The following OTUD7A variants were observed in gnomAD, a reference collection of about 807,000 sequenced individuals.
OTUD7A encodes the protein OTU domain-containing protein 7A.
In OTUD7A, 12 loss-of-function variants were observed where a neutral mutation model predicts 65.7. The observed-to-expected ratio is 0.18, with a 90% CI of 0.12 to 0.30. The LOEUF (loss-of-function observed/expected upper bound fraction) is 0.30. OTUD7A is among the 10% of genes least tolerant of loss of function. The pLI, the probability that OTUD7A is intolerant of heterozygous loss-of-function variation, is 1.00. For missense variants in OTUD7A, 1,148 were observed against 1,304.8 expected, an observed-to-expected ratio of 0.88 and a Z score of 1.85; for synonymous variants, 641 against 586.3, an observed-to-expected ratio of 1.09 and a Z score of -1.35.
chr15:31,590,012 C>A (rs531017145), intron 3 of OTUD7A, among the ~76,000 whole-genome samples: 1 of 152,146 alleles, frequency 6.6e-6, no homozygotes, highest in South Asian at 2.1e-4. Context: ...TAATTATACA[C>A]ACACATACAT....
chr15:31,619,599 A>G lies in OTUD7A; in HGVS notation c.151+35497T>C, dbSNP rs572997674. 1.3e-3 allele frequency among the ~76,000 whole-genome samples: 190 copies of G among 151,826 alleles called. 2 individuals are homozygous for G. The highest frequency in any genetic ancestry group is 4.4e-3 in the African/African-American group (180 of 41,294). On this transcript the variant is annotated intron_variant, in intron 3 of 12. Transcript: ENST00000307050. Reference sequence around the variant, plus strand: ...TTATTGGTGCATAAGAATGCTTGTGATTTTTACACATTGATTTTGTATCCT... The same window carrying G: ...TTATTGGTGCATAAGAATGCTTGTGGTTTTTACACATTGATTTTGTATCCT...
chr15:31,867,149 T>C (rs1272916569), intron 1 of OTUD7A, among the ~76,000 whole-genome samples: 1 of 152,272 alleles, frequency 6.6e-6, no homozygotes, highest in South Asian at 2.1e-4. Flanking sequence ...GTTCAGTCCC[T>C]GCGAGGAAAA....
intron 1 of OTUD7A, among the ~76,000 whole-genome samples, chr15:31,845,907 T>C (rs1023244480): frequency 1.3e-5 from 2 of 152,208 alleles, no homozygotes; most frequent in Non-Finnish European, 2.9e-5. Context: ...CGGGACACCA[T>C]GCACAAGAGA....
At chr15:31,632,753 G>T (rs1206784594) in intron 3 of OTUD7A, among the ~76,000 whole-genome samples, 2 of 151,822 alleles carry the variant, frequency 1.3e-5, no homozygotes, top group Non-Finnish European at 2.9e-5. Flanking sequence ...AGGCCTCCTT[G>T]AGCTGTGGTG....
At chr15:31,838,972 G>A (rs569037901) in intron 1 of OTUD7A, among the ~76,000 whole-genome samples, 6 of 152,316 alleles carry the variant, frequency 3.9e-5, no homozygotes, top group Middle Eastern at 3.4e-3. Context: ...TAACAGATCC[G>A]ATGGACTGGA....
At chr15:31,669,170 G>A (rs1892411641) in intron 1 of OTUD7A, among the ~76,000 whole-genome samples, 1 of 152,214 alleles carries the variant, frequency 6.6e-6, no homozygotes, top group Non-Finnish European at 1.5e-5. Flanking sequence ...ATCAGCTGTG[G>A]TAGCATGGAG....
chr15:31,861,026 A>C (rs553301773), intron 1 of OTUD7A, among the ~76,000 whole-genome samples: 4 of 151,838 alleles, frequency 2.6e-5, no homozygotes, highest in African/African-American at 9.7e-5. Context: ...GCCAGAGATA[A>C]ATATTTTTAA....
At chr15:31,591,348 A>G (rs1451019259) in intron 3 of OTUD7A, among the ~76,000 whole-genome samples, 2 of 152,118 alleles carry the variant, frequency 1.3e-5, no homozygotes, top group African/African-American at 2.4e-5. Flanking sequence ...TTACCTAGAC[A>G]AGACATTTGC....
At chr15:31,663,423 G>A (rs1190110334) in intron 1 of OTUD7A, among the ~76,000 whole-genome samples, 2 of 151,822 alleles carry the variant, frequency 1.3e-5, no homozygotes, top group Non-Finnish European at 2.9e-5. Context: ...TATTTATCCT[G>A]ATGCTCACCA....
chr15:31,610,591 AATT>A (rs1373723478), intron 3 of OTUD7A, among the ~76,000 whole-genome samples: 6 of 110,432 alleles, frequency 5.4e-5, no homozygotes, highest in Admixed American at 1.0e-4. Context: ...AGAAAAATGA[AATT>A]ATATATATAT....
intron 3 of OTUD7A, among the ~76,000 whole-genome samples, chr15:31,612,313 A>G (rs1310704465): frequency 6.6e-6 from 1 of 152,232 alleles, no homozygotes; most frequent in Non-Finnish European, 1.5e-5. Context: ...CAGACAAGAG[A>G]AAGAAATAAA....
chr15:31,768,114 G>A, intron 1 of OTUD7A: 2 of 1,596,762 alleles, frequency 1.3e-6, no homozygotes, highest in Middle Eastern at 1.7e-4. Flanking sequence ...TGTTTTCTTA[G>A]AGGCATTCCT....
intron 1 of OTUD7A, among the ~76,000 whole-genome samples, chr15:31,805,635 T>A (rs1023646194): frequency 2.6e-5 from 4 of 152,198 alleles, no homozygotes; most frequent in African/African-American, 9.7e-5. Context: ...CCCACTGACA[T>A]CACATTCAGT....
At chr15:31,590,042 A>G (rs1468771919) in intron 3 of OTUD7A, among the ~76,000 whole-genome samples, 2 of 152,210 alleles carry the variant, frequency 1.3e-5, no homozygotes, top group Non-Finnish European at 2.9e-5. Flanking sequence ...ATCATGTGCT[A>G]TATGACAATT....
chr15:31,753,703 T>TATATATATATATATAACCTGTG (rs1567004889), intron 1 of OTUD7A, among the ~76,000 whole-genome samples: 1 of 3,038 alleles, frequency 3.3e-4, no homozygotes, highest in Non-Finnish European at 3.9e-3. Flanking sequence ...ATATATATAT[T>TATATATATATATATAACCTGTG]ATATATATAT....
At chr15:31,585,533 C>A (rs1221974382) in intron 3 of OTUD7A, among the ~76,000 whole-genome samples, 2 of 152,198 alleles carry the variant, frequency 1.3e-5, no homozygotes, top group Non-Finnish European at 1.5e-5. Context: ...TGTGACAGCA[C>A]AGTGCGTCCC....
chr15:31,816,669 C>T (rs1896556648), intron 1 of OTUD7A, among the ~76,000 whole-genome samples: 3 of 150,908 alleles, frequency 2.0e-5, no homozygotes, highest in African/African-American at 7.3e-5. Flanking sequence ...GCCTGGGTGA[C>T]AGAGCGAGAC....
intron 1 of OTUD7A, among the ~76,000 whole-genome samples, chr15:31,866,981 G>A (rs1302528263): frequency 6.6e-6 from 1 of 152,198 alleles, no homozygotes; most frequent in Non-Finnish European, 1.5e-5. Context: ...AAAGTGTGAT[G>A]TTCCCTTTCG....
At chr15:31,657,576 T>C (rs1188057913) in intron 1 of OTUD7A, among the ~76,000 whole-genome samples, 1 of 151,294 alleles carries the variant, frequency 6.6e-6, no homozygotes, top group African/African-American at 2.4e-5. Flanking sequence ...TTAGCTAGGA[T>C]GGTCTCGATC....
Sources: gnomAD v4.1 joint callset for allele counts (sites outside exome capture counted in the v4.1 genomes callset) on GRCh38, gnomAD v4.1.1 for gene constraint, MANE v1.5 for transcripts, NCBI Gene and HGNC (gene_info 2026-07-23, HGNC 2026-07-21) for gene names.